SSBP2: variants seen among roughly 807,000 people sequenced by gnomAD.
The protein encoded by SSBP2 is single stranded DNA binding protein 2, also known as single-stranded DNA-binding protein 2.
Under a neutral mutation model 61.8 loss-of-function variants are expected in SSBP2, and 17 were observed. The ratio of observed to expected loss-of-function variants is 0.28; its 90% confidence interval spans 0.19 to 0.41. SSBP2 has a LOEUF of 0.41. Among genes scored for constraint, SSBP2 ranks in the 10% least tolerant of loss-of-function variants. SSBP2 has a pLI of 1.00. For synonymous variants in SSBP2, 139 were observed against 141.3 expected (o/e 0.98, Z 0.12); for missense variants, 310 against 458.7 (o/e 0.68, Z 2.96).
At chr5:81,437,931 T>C (rs1362106746) in intron 14 of SSBP2, 1 of 152,148 alleles carries the variant, frequency 6.6e-6, no homozygotes. Context: ...TAAGTATTAA[T>C]ATTAAAAAGT....
intron 4 of SSBP2, among the ~76,000 whole-genome samples, chr5:81,539,446 G>A (rs1771075135): frequency 6.6e-6 from 1 of 152,182 alleles, no homozygotes; most frequent in Non-Finnish European, 1.5e-5. Flanking sequence ...TACATAAACT[G>A]AGTTGATAAA....
intron 4 of SSBP2, among the ~76,000 whole-genome samples, chr5:81,541,585 T>C (rs891022004): frequency 6.6e-6 from 1 of 151,962 alleles, no homozygotes; most frequent in African/African-American, 2.4e-5. Flanking sequence ...TATAGACTAA[T>C]GGAACAGAAT....
rs2153867518 is a variant in SSBP2 at position 81,414,176 on chromosome 5, T to C, written c.*6328A>G. On this transcript the variant is annotated 3_prime_UTR_variant, in exon 17 of 17. Transcript: ENST00000320672. ...AAAATGAGTCCAACCTTTATTCTGA[T>C]AATAGCCAGTAAATTTGCAAAGAGA... 1 of 152,260 alleles carries C rather than the reference T, an allele frequency of 6.6e-6. No homozygotes were observed. Among genetic ancestry groups the C allele is most frequent in the East Asian group, 1.9e-4 (1 of 5,184 alleles). The allele number at this position is 152,260 out of a possible 1,614,324, so 9.4% of individuals were successfully genotyped here. A position where few individuals can be genotyped will look rare whatever the true frequency, so the allele number is the denominator to read the frequency against.
At chr5:81,637,769 C>T (rs146724127) in intron 2 of SSBP2, among the ~76,000 whole-genome samples, 147 of 152,230 alleles carry the variant, frequency 9.7e-4, no homozygotes, top group African/African-American at 3.2e-3. Context: ...ACCCAAAGGA[C>T]TATAAATCAT....
At chr5:81,501,067 A>G (rs937279431) in intron 5 of SSBP2, among the ~76,000 whole-genome samples, 3 of 149,254 alleles carry the variant, frequency 2.0e-5, no homozygotes, top group Admixed American at 2.0e-4. Context: ...TACAAAAATT[A>G]GCCGGGTGTG....
rs553909783 is a variant in SSBP2, at chr5:81,711,677, T to G, written c.62+39304A>C. Reference sequence around the variant, plus strand: ...GATAATAAATTGTAGTAGACAAAATTGATCACTCTACATGATAAAAAAAAA... The same window carrying G: ...GATAATAAATTGTAGTAGACAAAATGGATCACTCTACATGATAAAAAAAAA... On this transcript the variant is annotated intron_variant, in intron 1 of 16. Coordinates refer to ENST00000320672, the MANE Select transcript of SSBP2 (RefSeq NM_012446.5). Among the ~76,000 whole-genome samples, 4 of 149,752 alleles carry G rather than the reference T, an allele frequency of 2.7e-5. No individual in the cohort carries two copies. In the East Asian group the frequency reaches 7.8e-4, roughly 29 times the overall value.
intron 5 of SSBP2, among the ~76,000 whole-genome samples, chr5:81,503,804 A>G (rs1354013144): frequency 6.6e-6 from 1 of 152,238 alleles, no homozygotes; most frequent in Non-Finnish European, 1.5e-5. Context: ...GCAGCCATTA[A>G]AAAGAAAGAA....
intron 4 of SSBP2, among the ~76,000 whole-genome samples, chr5:81,563,329 G>A (rs769998871): frequency 8.6e-5 from 13 of 152,002 alleles, no homozygotes; most frequent in Non-Finnish European, 1.5e-4. Context: ...CAAAAATCCC[G>A]AATCCAAACT....
chr5:81,538,630 G>T (rs1242720100), intron 4 of SSBP2, among the ~76,000 whole-genome samples: 1 of 152,190 alleles, frequency 6.6e-6, no homozygotes, highest in Admixed American at 6.5e-5. Context: ...TTGTTAGGCT[G>T]GTTCTCTTGT....
intron 4 of SSBP2, among the ~76,000 whole-genome samples, chr5:81,529,614 T>G (rs1023880325): frequency 1.3e-5 from 2 of 152,220 alleles, no homozygotes; most frequent in East Asian, 3.9e-4. Context: ...TGGTTTAATT[T>G]CATGGGAGAC....
At chr5:81,741,200 G>A (rs899439085) in intron 1 of SSBP2, among the ~76,000 whole-genome samples, 1 of 152,194 alleles carries the variant, frequency 6.6e-6, no homozygotes, top group African/African-American at 2.4e-5. Context: ...AGTTGCTATA[G>A]GGATTAAGCT....
At chr5:81,504,093 T>C (rs1767999313) in intron 5 of SSBP2, among the ~76,000 whole-genome samples, 1 of 152,098 alleles carries the variant, frequency 6.6e-6, no homozygotes, top group Admixed American at 6.5e-5. Flanking sequence ...GACACGAGTT[T>C]GCTTATATAA....
chr5:81,575,069 A>C (rs952871128), intron 4 of SSBP2, among the ~76,000 whole-genome samples: 1 of 152,164 alleles, frequency 6.6e-6, no homozygotes, highest in Non-Finnish European at 1.5e-5. Context: ...AGAGATCAAG[A>C]CCATCCTGGC....
At chr5:81,586,111 T>C (rs1027646246) in intron 4 of SSBP2, among the ~76,000 whole-genome samples, 9 of 152,250 alleles carry the variant, frequency 5.9e-5, no homozygotes, top group East Asian at 1.9e-4. Flanking sequence ...AACATGGGAA[T>C]GCAAATATCT....
intron 1 of SSBP2, among the ~76,000 whole-genome samples, chr5:81,668,273 A>AC (rs56971420): frequency 2.3e-5 from 3 of 130,106 alleles, no homozygotes; most frequent in Non-Finnish European, 5.0e-5. Flanking sequence ...AAAAAAAAAA[A>AC]CAGGAAAAAG....
At chr5:81,586,614 A>T (rs1384739125) in intron 4 of SSBP2, among the ~76,000 whole-genome samples, 1 of 142,104 alleles carries the variant, frequency 7.0e-6, no homozygotes, top group African/African-American at 2.7e-5. Context: ...TTCAGAGTCT[A>T]ACTGCAGTAT....
At chr5:81,722,718 G>A (rs1444697970) in intron 1 of SSBP2, among the ~76,000 whole-genome samples, 1 of 151,930 alleles carries the variant, frequency 6.6e-6, no homozygotes. Context: ...TAAGTATAAA[G>A]TACACCAGTG....
At chr5:81,718,518 A>G (rs1032393494) in intron 1 of SSBP2, among the ~76,000 whole-genome samples, 1 of 152,168 alleles carries the variant, frequency 6.6e-6, no homozygotes, top group Non-Finnish European at 1.5e-5. Context: ...CCGAGGTGGG[A>G]AACCTAATGA....
In SSBP2 at chr5:81,680,288, A is replaced by G. The variant is rs906704343; in HGVS notation, c.63-29949T>C. 2.0e-5 allele frequency among the ~76,000 whole-genome samples: 3 copies of G among 148,472 alleles called. No homozygotes were observed. The Middle Eastern group carries it at 0.011, about 534-fold the overall frequency. On this transcript the variant is annotated intron_variant, in intron 1 of 16. Transcript: ENST00000320672. ...CATAATAATAAATATGCATGTATGT[A>G]TATGTGTATATTATATATAATATAT...
Sources: allele counts gnomAD v4.1 joint callset (sites outside exome capture counted in the v4.1 genomes callset), GRCh38; gene constraint gnomAD v4.1.1; transcripts MANE v1.5; gene names NCBI Gene and HGNC (gene_info 2026-07-23, HGNC 2026-07-21).